ARB2A: variants seen among roughly 807,000 people sequenced by gnomAD.
ARB2A encodes ARB2 cotranscriptional regulator A.
At chr5:93,837,801 T>C in the ARB2A span, among the ~76,000 whole-genome samples, 1 of 152,208 alleles carries the variant, frequency 6.6e-6, no homozygotes, top group Non-Finnish European at 1.5e-5. Flanking sequence ...TGGCCACATG[T>C]ATGGCTTCTT....
At chr5:94,053,205 C>A in the ARB2A span, 5 of 1,576,392 alleles carry the variant, frequency 3.2e-6, no homozygotes, top group East Asian at 1.1e-4. Context: ...TTAGTTCATC[C>A]AAATCTATCC....
chr5:94,081,322 A>C, the ARB2A span, among the ~76,000 whole-genome samples: 1 of 152,202 alleles, frequency 6.6e-6, no homozygotes, highest in South Asian at 2.1e-4. Flanking sequence ...CATATGACCC[A>C]GCAATTCTAC....
At chr5:93,890,774 G>A in the ARB2A span, among the ~76,000 whole-genome samples, 4 of 152,158 alleles carry the variant, frequency 2.6e-5, no homozygotes, top group Non-Finnish European at 4.4e-5. Flanking sequence ...GTGAAGAGGC[G>A]TCTTTAGCCA....
chr5:93,783,761 G>C, the ARB2A span, among the ~76,000 whole-genome samples: 1 of 152,246 alleles, frequency 6.6e-6, no homozygotes, highest in African/African-American at 2.4e-5. Flanking sequence ...TTAAAAAATA[G>C]TAATAATGGG....
chr5:94,103,813 A>C, the ARB2A span, among the ~76,000 whole-genome samples: 2 of 141,968 alleles, frequency 1.4e-5, no homozygotes, highest in Non-Finnish European at 3.1e-5. Context: ...AAAAAAAAAA[A>C]CTGAAATTAT....
At chr5:93,838,547 T>A in the ARB2A span, among the ~76,000 whole-genome samples, 5 of 144,814 alleles carry the variant, frequency 3.5e-5, no homozygotes, top group Admixed American at 6.8e-5. Flanking sequence ...AGACTCTGTA[T>A]CAAAAAAAAA....
the ARB2A span, among the ~76,000 whole-genome samples, chr5:93,848,124 C>G: frequency 3.3e-5 from 5 of 152,276 alleles, no homozygotes; most frequent in East Asian, 9.6e-4. Context: ...GTGGCTCATG[C>G]CTGTAATCCC....
chr5:93,800,998 TA>T, the ARB2A span, among the ~76,000 whole-genome samples: 1 of 152,194 alleles, frequency 6.6e-6, no homozygotes, highest in Admixed American at 6.6e-5. Flanking sequence ...CAGTAATTTT[TA>T]TAAGTAAAAA....
chr5:93,728,907 A>G, the ARB2A span, among the ~76,000 whole-genome samples: 9 of 152,182 alleles, frequency 5.9e-5, no homozygotes, highest in South Asian at 2.1e-4. Context: ...TTTAATGTTA[A>G]GAAAATATTT....
the ARB2A span, among the ~76,000 whole-genome samples, chr5:93,848,554 T>C: frequency 2.6e-5 from 4 of 152,210 alleles, no homozygotes; most frequent in Non-Finnish European, 4.4e-5. Context: ...CTGTAGAATA[T>C]GTGCTTATTT....
chr5:93,949,293 T>C, the ARB2A span, among the ~76,000 whole-genome samples: 1 of 152,096 alleles, frequency 6.6e-6, no homozygotes, highest in South Asian at 2.1e-4. Flanking sequence ...AATTATTACT[T>C]ATTGTATGCC....
At chr5:93,685,509 C>T in the ARB2A span, among the ~76,000 whole-genome samples, 1 of 152,146 alleles carries the variant, frequency 6.6e-6, no homozygotes, top group Non-Finnish European at 1.5e-5. Flanking sequence ...TATTCACAAG[C>T]CCTTCCTCTT....
the ARB2A span, chr5:94,055,604 T>A: frequency 1.0e-6 from 1 of 984,070 alleles, no homozygotes; most frequent in Non-Finnish European, 1.2e-6. Context: ...TCACATATAC[T>A]GGGTTTAAAA....
chr5:93,763,744 AT>A, the ARB2A span, among the ~76,000 whole-genome samples: 3 of 151,960 alleles, frequency 2.0e-5, no homozygotes, highest in Admixed American at 6.6e-5. Flanking sequence ...CAGAATATAC[AT>A]TTTTTTTCAG....
At chr5:93,668,614 CTTAATTCAGTGCAT>C in the ARB2A span, among the ~76,000 whole-genome samples, 1 of 152,098 alleles carries the variant, frequency 6.6e-6, no homozygotes, top group Non-Finnish European at 1.5e-5. Context: ...TTTGAGTCCA[CTTAATTCAGTGCAT>C]TTAAGATGGT....
chr5:93,927,457 G>T, the ARB2A span, among the ~76,000 whole-genome samples: 1 of 151,966 alleles, frequency 6.6e-6, no homozygotes, highest in Non-Finnish European at 1.5e-5. Context: ...CCCTCACCCC[G>T]GACAGCCATA....
the ARB2A span, among the ~76,000 whole-genome samples, chr5:94,031,420 C>T: frequency 6.6e-6 from 1 of 152,126 alleles, no homozygotes; most frequent in Non-Finnish European, 1.5e-5. Flanking sequence ...TGTAGCCATG[C>T]CCTAGGACTT....
chr5:93,629,840 T>C, the ARB2A span, among the ~76,000 whole-genome samples: 1 of 152,224 alleles, frequency 6.6e-6, no homozygotes, highest in African/African-American at 2.4e-5. Flanking sequence ...TTTTAAAAAT[T>C]GATCTTTAAC....
the ARB2A span, among the ~76,000 whole-genome samples, chr5:94,044,137 T>C: frequency 6.6e-6 from 1 of 152,232 alleles, no homozygotes; most frequent in Non-Finnish European, 1.5e-5. Context: ...AAAATCTGGA[T>C]CAGTAGCCTA....
Sources: allele counts gnomAD v4.1 joint callset (sites outside exome capture counted in the v4.1 genomes callset), GRCh38; gene constraint gnomAD v4.1.1; transcripts MANE v1.5; gene names NCBI Gene and HGNC (gene_info 2026-07-23, HGNC 2026-07-21).